KLF12: variants seen among roughly 807,000 people sequenced by gnomAD.
KLF12 encodes KLF transcription factor 12, also known as Krueppel-like factor 12.
KLF12 carries 9 observed loss-of-function variants against 37.8 expected under a neutral mutation model. The ratio of observed to expected loss-of-function variants is 0.24; its 90% CI spans 0.14 to 0.42. KLF12 has a LOEUF of 0.42. Among genes scored for constraint, KLF12 ranks in the 10% least tolerant of loss-of-function variants. KLF12 has a pLI of 1.00. For synonymous variants in KLF12, 208 were observed against 202.1 expected (o/e 1.03, Z -0.25); for missense variants, 411 against 516.0 (o/e 0.80, Z 1.97).
At chr13:73,928,764 G>A (rs189977531) in intron 3 of KLF12, among the ~76,000 whole-genome samples, 117 of 152,248 alleles carry the variant, frequency 7.7e-4, no homozygotes, top group Non-Finnish European at 1.5e-3. Flanking sequence ...AACGTTAAAC[G>A]TAGCTGATTC....
chr13:73,978,988 T>C (rs1279073382), intron 2 of KLF12, among the ~76,000 whole-genome samples: 1 of 151,256 alleles, frequency 6.6e-6, no homozygotes, highest in Non-Finnish European at 1.5e-5. Context: ...AATAAAACAA[T>C]CAGTGGTTGC....
rs187653812 is a variant in KLF12, at chr13:74,034,094, G to A, written c.-31-39041C>T. Among the ~76,000 whole-genome samples, 19 of 151,980 alleles carry A rather than the reference G, an allele frequency of 1.3e-4. No individual in the cohort carries two copies. The East Asian group carries it at 1.9e-3, about 15-fold the overall frequency. ...TTTTTGTTTTTTGAGACAGAGTCTC[G>A]CTCTGTCACCCAGGCTTTAGTGCAA... On this transcript the variant is annotated intron_variant, in intron 1 of 7. Transcript: ENST00000377669.
At chr13:74,171,519 C>T in the KLF12 span, among the ~76,000 whole-genome samples, 1 of 152,164 alleles carries the variant, frequency 6.6e-6, no homozygotes, top group South Asian at 2.1e-4. Context: ...TACATCTTTG[C>T]CTGTGGAGGC....
the KLF12 span, among the ~76,000 whole-genome samples, chr13:74,302,759 G>T: frequency 6.6e-6 from 1 of 152,074 alleles, no homozygotes; most frequent in Non-Finnish European, 1.5e-5. Flanking sequence ...CTTGGAGAAA[G>T]CAGGGAGCCC....
intron 1 of KLF12, among the ~76,000 whole-genome samples, chr13:74,020,808 G>C (rs571012449): frequency 3.3e-5 from 5 of 151,520 alleles, no homozygotes; most frequent in African/African-American, 9.7e-5. Context: ...GGAGAATGGC[G>C]TGAACCCGGG....
intron 7 of KLF12, among the ~76,000 whole-genome samples, chr13:73,698,180 G>A (rs76339163): frequency 0.044 from 6,565 of 150,336 alleles, 172 homozygotes; most frequent in Middle Eastern, 0.096. Context: ...AGAGAAAAGA[G>A]AGAGGAAAGG....
chr13:73,843,087 A>C (rs138542798), intron 4 of KLF12, among the ~76,000 whole-genome samples: 250 of 152,332 alleles, frequency 1.6e-3, no homozygotes, highest in African/African-American at 5.7e-3. Flanking sequence ...CATCCCTTAT[A>C]ATTTGTTATT....
chr13:74,043,573 G>T (rs1415822186), intron 1 of KLF12, among the ~76,000 whole-genome samples: 1 of 152,106 alleles, frequency 6.6e-6, no homozygotes, highest in Non-Finnish European at 1.5e-5. Flanking sequence ...AAATATCTTG[G>T]TCCTTGACTA....
chr13:73,921,793 T>TA (rs1224793852), intron 3 of KLF12, among the ~76,000 whole-genome samples: 1 of 152,202 alleles, frequency 6.6e-6, no homozygotes, highest in Non-Finnish European at 1.5e-5. Flanking sequence ...TCTTTCTAGA[T>TA]ACGTGTCTTT....
Position 73,884,852 on chromosome 13 carries a change from C to A in KLF12, c.124-38479G>T, listed in dbSNP as rs1887144314. Among the ~76,000 whole-genome samples the A allele has an allele frequency of 1.3e-5, 2 of 152,192 alleles. 1 individual carries two copies. The highest frequency in any genetic ancestry group is 4.1e-4 in the South Asian group (2 of 4,822). On this transcript the variant is annotated intron_variant, in intron 3 of 7. Coordinates refer to ENST00000377669, the MANE Select transcript of KLF12 (RefSeq NM_007249.5). ...TTGATTGCCAATCCATTATTCACTT[C>A]TTTGTTTTCATCTTCCCTGATGTTC...
chr13:74,024,094 T>C (rs1002403183), intron 1 of KLF12, among the ~76,000 whole-genome samples: 3 of 152,156 alleles, frequency 2.0e-5, no homozygotes, highest in Non-Finnish European at 4.4e-5. Flanking sequence ...GCAATGCCCC[T>C]AAAAATTCAT....
chr13:74,242,739 G>A, the KLF12 span, among the ~76,000 whole-genome samples: 7 of 152,126 alleles, frequency 4.6e-5, no homozygotes, highest in South Asian at 1.5e-3. Context: ...CAAGGATACT[G>A]GGGATACAAG....
In KLF12 at chr13:73,990,634, A is replaced by G. The variant is rs960908278; in HGVS notation, c.33+4356T>C. Among the ~76,000 whole-genome samples, 10 of 152,352 alleles carry G rather than the reference A, an allele frequency of 6.6e-5. No homozygotes were observed. In the East Asian group the frequency reaches 9.6e-4, roughly 15 times the overall value. On this transcript the variant is annotated intron_variant, in intron 2 of 7. Coordinates refer to ENST00000377669, the MANE Select transcript of KLF12 (RefSeq NM_007249.5). The stretch of plus-strand genomic sequence containing the variant: ...CTTTGTTAATTTTCCCATCTTTCTA[A>G]CAAAAAGTCAAAAGATTCTGTTTCA...
At chr13:74,237,609 T>A in the KLF12 span, among the ~76,000 whole-genome samples, 2 of 150,432 alleles carry the variant, frequency 1.3e-5, no homozygotes, top group African/African-American at 5.0e-5. Context: ...GTATCCTCGT[T>A]TATTTCCTTG....
the KLF12 span, among the ~76,000 whole-genome samples, chr13:74,298,936 T>A: frequency 1.3e-5 from 2 of 152,112 alleles, no homozygotes; most frequent in Non-Finnish European, 2.9e-5. Context: ...CAGTCTACTA[T>A]ATTTGTCCAA....
At chr13:73,907,297 C>T (rs1204502703) in intron 3 of KLF12, among the ~76,000 whole-genome samples, 1 of 152,046 alleles carries the variant, frequency 6.6e-6, no homozygotes, top group Non-Finnish European at 1.5e-5. Context: ...CTCCAGAAGC[C>T]CCCTTCTTCC....
At chr13:73,871,298 A>G (rs8000603) in intron 3 of KLF12, among the ~76,000 whole-genome samples, 141,295 of 152,224 alleles carry the variant, frequency 0.93, 65,817 homozygotes, top group Non-Finnish European at 0.97. Flanking sequence ...GAAATCAATG[A>G]TGGGGAGGCA....
chr13:73,908,714 A>T (rs772871113), intron 3 of KLF12, among the ~76,000 whole-genome samples: 4 of 152,054 alleles, frequency 2.6e-5, no homozygotes, highest in Non-Finnish European at 5.9e-5. Flanking sequence ...TCCTGACCTC[A>T]GGTGATCTGC....
intron 1 of KLF12, among the ~76,000 whole-genome samples, chr13:74,131,108 C>T (rs1218760374): frequency 6.6e-6 from 1 of 152,192 alleles, no homozygotes; most frequent in African/African-American, 2.4e-5. Context: ...GAGGCCTAAG[C>T]ACTTACGTTG....
Sources: gnomAD v4.1 joint callset for allele counts (sites outside exome capture counted in the v4.1 genomes callset) on GRCh38, gnomAD v4.1.1 for gene constraint, MANE v1.5 for transcripts, NCBI Gene and HGNC (gene_info 2026-07-23, HGNC 2026-07-21) for gene names.